MEIS2: variants seen among roughly 807,000 people sequenced by gnomAD.
MEIS2 encodes homeobox protein Meis2.
A neutral mutation model predicts 58.6 loss-of-function variants in MEIS2; 9 were observed. That is an observed-to-expected ratio of 0.15 (90% CI 0.09 to 0.27). MEIS2 has a LOEUF of 0.27. MEIS2 is among the 10% of genes least tolerant of loss of function. MEIS2 has a pLI of 1.00. For synonymous variants in MEIS2, 221 were observed against 228.4 expected, an observed-to-expected ratio of 0.97 and a Z score of 0.29; for missense variants, 427 against 635.0, an observed-to-expected ratio of 0.67 and a Z score of 3.52.
At chr15:37,096,754 G>T (rs1894304528) in intron 2 of MEIS2, among the ~76,000 whole-genome samples, 1 of 151,950 alleles carries the variant, frequency 6.6e-6, no homozygotes, top group Admixed American at 6.6e-5. Flanking sequence ...AGCCCGAGTC[G>T]ATTCTGATCC....
chr15:36,914,323 T>C (rs2057175324), intron 9 of MEIS2, among the ~76,000 whole-genome samples: 1 of 152,270 alleles, frequency 6.6e-6, no homozygotes, highest in Non-Finnish European at 1.5e-5. Flanking sequence ...TAAATCGGAC[T>C]GAACTTTGGC....
intron 8 of MEIS2, among the ~76,000 whole-genome samples, chr15:36,954,377 C>T (rs2058877770): frequency 6.7e-6 from 1 of 149,950 alleles, no homozygotes; most frequent in Non-Finnish European, 1.5e-5. Flanking sequence ...TGTTTATATA[C>T]TCCTATATTG....
intron 7 of MEIS2, among the ~76,000 whole-genome samples, chr15:37,052,345 T>C (rs1049648362): frequency 2.0e-5 from 3 of 152,162 alleles, no homozygotes; most frequent in African/African-American, 7.2e-5. Context: ...CAGAGTTTGG[T>C]AGTGTAATTC....
At chr15:36,910,862 T>G (rs926620710) in intron 9 of MEIS2, among the ~76,000 whole-genome samples, 2 of 152,062 alleles carry the variant, frequency 1.3e-5, no homozygotes, top group Non-Finnish European at 2.9e-5. Flanking sequence ...CTGGCCAACA[T>G]AGTGAAACCC....
intron 7 of MEIS2, among the ~76,000 whole-genome samples, chr15:37,040,136 G>T (rs34344942): frequency 0.11 from 16,052 of 151,710 alleles, 1,182 homozygotes; most frequent in Non-Finnish European, 0.16. Flanking sequence ...TGGCACATGT[G>T]CCAAATGAGT....
In MEIS2 at chr15:37,097,953, G is replaced by A; in HGVS notation, c.245+14C>T. The A allele has an allele frequency of 1.3e-6, 2 of 1,575,146 alleles. No homozygotes were observed. The highest frequency in any genetic ancestry group is 1.7e-6 in the Non-Finnish European group (2 of 1,156,218). On this transcript the variant is annotated intron_variant, in intron 2 of 11. Transcript: ENST00000561208. ...ACTCACACACAGTAAGCTGGGTCCGGGGGGTCAGTTTACCCATAGATCGCG... is the reference window on the plus strand; with the variant it reads ...ACTCACACACAGTAAGCTGGGTCCGAGGGGTCAGTTTACCCATAGATCGCG...
chr15:37,027,780 AT>A (rs1005353679), intron 8 of MEIS2, among the ~76,000 whole-genome samples: 1 of 149,754 alleles, frequency 6.7e-6, no homozygotes, highest in African/African-American at 2.5e-5. Flanking sequence ...AGTAGACTTT[AT>A]TTTTTTAGAT....
intron 8 of MEIS2, among the ~76,000 whole-genome samples, chr15:36,994,036 A>T (rs2060390956): frequency 6.6e-6 from 1 of 152,160 alleles, no homozygotes. Context: ...AAAGAAAAAA[A>T]AAGTATGCAC....
At chr15:37,078,593 G>A (rs1466538281) in intron 7 of MEIS2, among the ~76,000 whole-genome samples, 4 of 86,924 alleles carry the variant, frequency 4.6e-5, no homozygotes, top group Non-Finnish European at 8.8e-5. Context: ...AGGATTGCCA[G>A]GAAAAAACAA....
chr15:37,079,386 G>GA (rs1596088043), intron 7 of MEIS2, among the ~76,000 whole-genome samples: 2 of 151,996 alleles, frequency 1.3e-5, no homozygotes, highest in East Asian at 3.9e-4. Context: ...TGTATTTAGG[G>GA]TTATTTTAAA....
chr15:36,932,674 G>A (rs774527009), intron 9 of MEIS2, among the ~76,000 whole-genome samples: 1 of 152,028 alleles, frequency 6.6e-6, no homozygotes, highest in African/African-American at 2.4e-5. Flanking sequence ...GTGTGTGCAC[G>A]TGTGTGTCTG....
At chr15:36,990,030 C>T (rs1471132596) in intron 8 of MEIS2, among the ~76,000 whole-genome samples, 3 of 152,080 alleles carry the variant, frequency 2.0e-5, no homozygotes, top group South Asian at 4.1e-4. Flanking sequence ...CTGCAAGCTC[C>T]GCCTCCCGGG....
chr15:36,895,299 G>A, intron 10 of MEIS2, 38 bp from the exon 11 acceptor site: 1 of 1,557,262 alleles, frequency 6.4e-7, no homozygotes, highest in Non-Finnish European at 8.8e-7. Flanking sequence ...GGAGAAAGAA[G>A]AAAAGATATA....
intron 9 of MEIS2, among the ~76,000 whole-genome samples, chr15:36,918,739 G>T (rs2057379879): frequency 6.6e-6 from 1 of 152,126 alleles, no homozygotes. Flanking sequence ...GGAGGGAATG[G>T]GAAGGACAGA....
intron 8 of MEIS2, among the ~76,000 whole-genome samples, chr15:36,956,156 T>C (rs1401112716): frequency 1.6e-5 from 2 of 126,018 alleles, no homozygotes; most frequent in Admixed American, 9.9e-5. Context: ...AGCGACTCAG[T>C]CCAGCCTGGG....
chr15:37,076,097 T>G (rs1470709141), intron 7 of MEIS2, among the ~76,000 whole-genome samples: 2 of 151,962 alleles, frequency 1.3e-5, no homozygotes, highest in East Asian at 3.9e-4. Context: ...ATAAAAGTGG[T>G]GTATATTATT....
intron 8 of MEIS2, among the ~76,000 whole-genome samples, chr15:36,951,254 T>C (rs2141392434): frequency 6.6e-6 from 1 of 152,300 alleles, no homozygotes; most frequent in East Asian, 1.9e-4. Context: ...CCCATACCTT[T>C]ATTTTAAAAG....
intron 2 of MEIS2, among the ~76,000 whole-genome samples, chr15:37,096,674 T>C (rs1379923590): frequency 6.6e-6 from 1 of 152,038 alleles, no homozygotes; most frequent in African/African-American, 2.4e-5. Context: ...CCCCGGCCAC[T>C]GCAGCCCGAC....
intron 8 of MEIS2, among the ~76,000 whole-genome samples, chr15:36,996,001 A>ATGTGTGTGTGTGTGTGTGTG (rs1292078980): frequency 3.9e-5 from 4 of 102,904 alleles, no homozygotes; most frequent in African/African-American, 1.3e-4. Context: ...ATATATATAT[A>ATGTGTGTGTGTGTGTGTGTG]TGTATATATA....
Sources: gnomAD v4.1 joint callset for allele counts (sites outside exome capture counted in the v4.1 genomes callset) on GRCh38, gnomAD v4.1.1 for gene constraint, MANE v1.5 for transcripts, NCBI Gene and HGNC (gene_info 2026-07-23, HGNC 2026-07-21) for gene names.